The following CNOT10 variants were observed in gnomAD, a reference collection of about 807,000 sequenced individuals.
CNOT10 encodes CCR4-NOT transcription complex, subunit 10.
CNOT10 carries 30 observed loss-of-function variants against 94.6 expected under a neutral mutation model. That is an observed-to-expected ratio of 0.32 (90% confidence interval 0.24 to 0.43). The LOEUF is 0.43. Among genes scored for constraint, CNOT10 ranks in the 20% least tolerant of loss-of-function variants. The pLI, the probability that CNOT10 is intolerant of heterozygous loss-of-function variation, is 1.00. For missense variants in CNOT10, 759 were observed against 877.2 expected, an observed-to-expected ratio of 0.87 and a Z score of 1.70; for synonymous variants, 289 against 301.6, an observed-to-expected ratio of 0.96 and a Z score of 0.43.
chr3:32,760,814 C>T (rs893535301), intron 14 of CNOT10, among the ~76,000 whole-genome samples: 2 of 151,556 alleles, frequency 1.3e-5, no homozygotes, highest in Non-Finnish European at 2.9e-5. Context: ...CCCAAACATA[C>T]CTAGTGTTTT....
chr3:32,718,258 CTT>C (rs376879885), intron 7 of CNOT10, among the ~76,000 whole-genome samples: 46 of 116,976 alleles, frequency 3.9e-4, no homozygotes, highest in South Asian at 1.2e-3. Flanking sequence ...CATTATCAAA[CTT>C]TTTTTTTTTT....
chr3:32,718,414 C>G (rs1365911593), intron 7 of CNOT10, among the ~76,000 whole-genome samples: 2 of 150,398 alleles, frequency 1.3e-5, no homozygotes, highest in African/African-American at 4.9e-5. Context: ...GAAACCCCAT[C>G]TCTACTAAAA....
At chr3:32,753,649 C>G (rs1700063586) in intron 13 of CNOT10, 1 of 1,572,294 alleles carries the variant, frequency 6.4e-7, no homozygotes, top group Non-Finnish European at 8.7e-7. Context: ...ATCATCATCT[C>G]CTTATACAAG....
chr3:32,699,476 C>T (rs919561804), intron 1 of CNOT10, among the ~76,000 whole-genome samples: 7 of 152,118 alleles, frequency 4.6e-5, no homozygotes, highest in Non-Finnish European at 8.8e-5. Flanking sequence ...TTTCATTTCA[C>T]GTTATTAAGC....
chr3:32,714,860 TGTCCCTTTGTTTTAAAA>T (rs1310000846), intron 5 of CNOT10, among the ~76,000 whole-genome samples: 11 of 152,358 alleles, frequency 7.2e-5, no homozygotes, highest in African/African-American at 2.6e-4. Flanking sequence ...TTCCGTTTTC[TGTCCCTTTGTTTTAAAA>T]GGAGTATTTG....
intron 2 of CNOT10, among the ~76,000 whole-genome samples, chr3:32,704,547 A>G (rs1366710081): frequency 6.6e-6 from 1 of 152,096 alleles, no homozygotes; most frequent in Admixed American, 6.6e-5. Context: ...CTAGCACTAT[A>G]TGTATATGCC....
chr3:32,719,211 T>G (rs1220022711), intron 7 of CNOT10, among the ~76,000 whole-genome samples: 1 of 152,088 alleles, frequency 6.6e-6, no homozygotes, highest in Non-Finnish European at 1.5e-5. Context: ...ATCGCGCCAC[T>G]GCACTCTAGC....
intron 12 of CNOT10, among the ~76,000 whole-genome samples, chr3:32,736,924 G>A (rs1483991135): frequency 6.6e-6 from 1 of 152,032 alleles, no homozygotes; most frequent in Admixed American, 6.6e-5. Context: ...GGCAGTGGGG[G>A]AAGAAACTAA....
rs973194779 is a variant in CNOT10 at position 32,701,594 on chromosome 3, C to T, written c.23-2274C>T. 1.1e-4 allele frequency among the ~76,000 whole-genome samples: 17 copies of T among 152,096 alleles called. No homozygotes were observed. In the South Asian group the frequency reaches 3.3e-3, roughly 30 times the overall value. Reference sequence around the variant, plus strand: ...TAGTGAGTGAGTTCTCACTAGATGTCGTTATTTAAAAGTGTGTAGCACCTC... The same window carrying T: ...TAGTGAGTGAGTTCTCACTAGATGTTGTTATTTAAAAGTGTGTAGCACCTC... On this transcript the variant is annotated intron_variant, in intron 1 of 18. Transcript: ENST00000328834.
intron 13 of CNOT10, among the ~76,000 whole-genome samples, chr3:32,745,654 AT>A (rs1699667110): frequency 6.6e-6 from 1 of 152,268 alleles, no homozygotes; most frequent in Non-Finnish European, 1.5e-5. Context: ...AGAAGAATGG[AT>A]AACTAAGTTG....
intron 1 of CNOT10, chr3:32,695,850 T>G (rs2125497749): frequency 6.6e-7 from 1 of 1,510,794 alleles, no homozygotes; most frequent in East Asian, 2.5e-5. Context: ...TAGTTATAAA[T>G]AATAAATGTT....
rs530107519 is a variant in CNOT10, at chr3:32,756,839, T to C, written c.1596-2619T>C. Among the ~76,000 whole-genome samples, 309 of 152,162 alleles carry C rather than the reference T, an allele frequency of 2.0e-3. 2 individuals carry two copies. The highest frequency in any genetic ancestry group is 3.7e-3 in the Non-Finnish European group (253 of 68,022). On this transcript the variant is annotated intron_variant, in intron 13 of 18. Transcript: ENST00000328834. ...AAAATGGATATCGGGCCGGGTGCAGTGGCTCACGCCTATAATCCCAGCACT... is the reference window on the plus strand; with the variant it reads ...AAAATGGATATCGGGCCGGGTGCAGCGGCTCACGCCTATAATCCCAGCACT...
At chr3:32,719,155 A>G (rs920642434) in intron 7 of CNOT10, among the ~76,000 whole-genome samples, 1 of 152,220 alleles carries the variant, frequency 6.6e-6, no homozygotes, top group African/African-American at 2.4e-5. Context: ...AGGCTGAGGC[A>G]GGAGAATTGC....
rs755555384 is a variant in CNOT10 at position 32,704,848 on chromosome 3, G to A, written c.155G>A (p.Cys52Tyr). The A allele has an allele frequency of 6.4e-7, 1 of 1,569,648 alleles. No homozygotes were observed. The highest frequency in any genetic ancestry group is 1.2e-5 in the South Asian group (1 of 82,134). ...NYDACLQHLA[C>Y]LQDINKDDYK... ...GATGCCTGTCTACAACACCTTGCCT[G>A]TCTACAAGATATAAACAAAGATGAT... Residue 52 changes from cysteine to tyrosine, a missense_variant, in exon 3 of 19, where the codon TGT becomes TAT. Coordinates refer to ENST00000328834, the MANE Select transcript of CNOT10 (RefSeq NM_015442.3).
chr3:32,754,370 G>T (rs563220906), intron 13 of CNOT10, among the ~76,000 whole-genome samples: 7 of 142,072 alleles, frequency 4.9e-5, no homozygotes, highest in Admixed American at 4.3e-4. Context: ...CCAGCTACTC[G>T]GGAGGCTGAG....
intron 3 of CNOT10, among the ~76,000 whole-genome samples, chr3:32,705,800 C>T (rs1420539782): frequency 6.6e-6 from 1 of 152,118 alleles, no homozygotes; most frequent in African/African-American, 2.4e-5. Context: ...TAGTATCACC[C>T]TAAAGTGTGA....
intron 13 of CNOT10, among the ~76,000 whole-genome samples, chr3:32,737,896 T>C (rs1191118458): frequency 6.6e-6 from 1 of 152,230 alleles, no homozygotes; most frequent in Non-Finnish European, 1.5e-5. Context: ...TCTTTCAATC[T>C]TGTGATAAAC....
intron 18 of CNOT10, among the ~76,000 whole-genome samples, chr3:32,773,014 C>T (rs892887144): frequency 3.3e-5 from 5 of 152,218 alleles, no homozygotes; most frequent in South Asian, 2.1e-4. Flanking sequence ...TACAGGCATG[C>T]ACCACCATGC....
intron 13 of CNOT10, among the ~76,000 whole-genome samples, chr3:32,752,237 C>T (rs914973097): frequency 1.3e-5 from 2 of 151,482 alleles, no homozygotes; most frequent in South Asian, 2.1e-4. Context: ...TGTGGTGAGC[C>T]GAGATCACGC....
Sources: gnomAD v4.1 joint callset for allele counts (sites outside exome capture counted in the v4.1 genomes callset) on GRCh38, gnomAD v4.1.1 for gene constraint, MANE v1.5 for transcripts, NCBI Gene and HGNC (gene_info 2026-07-23, HGNC 2026-07-21) for gene names.